Variants in SLC41A2 observed in about 807,000 individuals in gnomAD.
The protein encoded by SLC41A2 is solute carrier family 41 member 2.
Under a neutral mutation model 58.3 loss-of-function variants are expected in SLC41A2, and 32 were observed. The observed-to-expected ratio is 0.55, with a 90% CI of 0.41 to 0.74. The LOEUF (loss-of-function observed/expected upper bound fraction) is 0.74, where lower values mean the gene tolerates loss of function less well. Among genes scored for constraint, SLC41A2 ranks in the 30% least tolerant of loss-of-function variants. The pLI is 0.00. For synonymous variants in SLC41A2, 190 were observed against 235.0 expected (o/e 0.81, Z 1.75); for missense variants, 514 against 680.6 (o/e 0.76, Z 2.72).
At chr12:104,894,690 A>G (rs1466974934) in intron 4 of SLC41A2, among the ~76,000 whole-genome samples, 1 of 152,168 alleles carries the variant, frequency 6.6e-6, no homozygotes, top group Non-Finnish European at 1.5e-5. Flanking sequence ...TACTAGGGGT[A>G]GTCGCAGTCT....
chr12:104,925,400 T>C (rs973573490), intron 2 of SLC41A2, among the ~76,000 whole-genome samples: 1 of 151,182 alleles, frequency 6.6e-6, no homozygotes, highest in Non-Finnish European at 1.5e-5. Flanking sequence ...CTACTAAAAA[T>C]ACAAAAAATT....
intron 8 of SLC41A2, among the ~76,000 whole-genome samples, chr12:104,859,294 C>G (rs2043123749): frequency 6.6e-6 from 1 of 152,122 alleles, no homozygotes; most frequent in South Asian, 2.1e-4. Context: ...CATCTTAGGA[C>G]CCATGTAATA....
At chr12:104,826,017 T>A (rs976953518) in intron 10 of SLC41A2, among the ~76,000 whole-genome samples, 1 of 152,076 alleles carries the variant, frequency 6.6e-6, no homozygotes, top group South Asian at 2.1e-4. Flanking sequence ...GGATAAGAGG[T>A]AGAGAGTGAA....
At chr12:104,890,106 A>G (rs2044878967) in intron 4 of SLC41A2, among the ~76,000 whole-genome samples, 1 of 152,188 alleles carries the variant, frequency 6.6e-6, no homozygotes, top group Admixed American at 6.5e-5. Context: ...GAGGCACTCA[A>G]TATTTTGAGT....
At chr12:104,807,804 G>C (rs1170988967) in intron 10 of SLC41A2, among the ~76,000 whole-genome samples, 1 of 152,224 alleles carries the variant, frequency 6.6e-6, no homozygotes, top group East Asian at 1.9e-4. Context: ...TGGATTCCTA[G>C]GTATTTTATT....
Position 104,943,483 on chromosome 12 carries a change from G to C in SLC41A2, c.-168+14605C>G, listed in dbSNP as rs181091463. On this transcript the variant is annotated intron_variant, in intron 1 of 10. Coordinates refer to ENST00000258538, the MANE Select transcript of SLC41A2 (RefSeq NM_001352171.3). ...TTTCTTCCAGAATCGAAGCTGTAAA[G>C]CTACAAATGGTTCTTCAAATGGAGC... Among the ~76,000 whole-genome samples, 692 of 152,248 alleles carry C rather than the reference G, an allele frequency of 4.5e-3. 4 individuals are homozygous for C. Among genetic ancestry groups the C allele is most frequent in the African/African-American group, 0.016 (668 of 41,538 alleles).
At chr12:104,898,135 T>C (rs2045385220) in intron 3 of SLC41A2, among the ~76,000 whole-genome samples, 1 of 152,252 alleles carries the variant, frequency 6.6e-6, no homozygotes, top group Middle Eastern at 3.4e-3. Context: ...AAATAGGCCA[T>C]TATTTTTGCA....
intron 10 of SLC41A2, among the ~76,000 whole-genome samples, chr12:104,811,240 TCAC>T (rs911659801): frequency 1.4e-4 from 21 of 152,162 alleles, no homozygotes; most frequent in African/African-American, 5.1e-4. Flanking sequence ...GCAAGAATAT[TCAC>T]CACGTCTGTT....
At chr12:104,934,564 G>C (rs1353472064) in intron 1 of SLC41A2, among the ~76,000 whole-genome samples, 1 of 152,038 alleles carries the variant, frequency 6.6e-6, no homozygotes, top group Non-Finnish European at 1.5e-5. Flanking sequence ...TCATGGCTTG[G>C]GATTCTATCT....
At chr12:104,864,100 T>C (rs1339458373) in intron 7 of SLC41A2, among the ~76,000 whole-genome samples, 1 of 152,258 alleles carries the variant, frequency 6.6e-6, no homozygotes, top group East Asian at 1.9e-4. Flanking sequence ...CTATGTACTA[T>C]AACAAAAGCC....
At chr12:104,943,419 T>C (rs1259389017) in intron 1 of SLC41A2, among the ~76,000 whole-genome samples, 2 of 152,172 alleles carry the variant, frequency 1.3e-5, no homozygotes, top group African/African-American at 2.4e-5. Flanking sequence ...TTGCTCCTCC[T>C]CTTTCGACCC....
chr12:104,861,304 C>T lies in SLC41A2; in HGVS notation c.1242G>A (p.Thr414=), dbSNP rs772197079. The change falls in exon 8 of 11, where the codon ACG becomes ACA. Residue 414 remains threonine, a synonymous_variant. Coordinates refer to ENST00000258538, the MANE Select transcript of SLC41A2 (RefSeq NM_001352171.3). The stretch of plus-strand genomic sequence containing the variant: ...TCTAATTCTTACCATTAATAACTGG[C>T]GTGTAAACAACAATCCCAACCAAGT... ...DPNLVGIVVY[T]PVINGIGGNL... The T allele has an allele frequency of 2.2e-5, 36 of 1,610,604 alleles. No homozygotes were observed. In the South Asian group the frequency reaches 2.3e-4, roughly 10 times the overall value.
At chr12:104,885,015 A>G (rs542606483) in intron 6 of SLC41A2, among the ~76,000 whole-genome samples, 7 of 152,312 alleles carry the variant, frequency 4.6e-5, no homozygotes, top group South Asian at 2.1e-4. Flanking sequence ...TATCCCTTTA[A>G]TAACATAACC....
chr12:104,909,778 T>C lies in SLC41A2; in HGVS notation c.556-16A>G, dbSNP rs748756057. The C allele has an allele frequency of 1.3e-6, 2 of 1,518,442 alleles. No individual in the cohort carries two copies. Among genetic ancestry groups the C allele is most frequent in the South Asian group, 2.4e-5 (2 of 81,848 alleles). 94.1% of individuals were successfully genotyped at this position (1,518,442 alleles called of 1,614,324 possible). A position where few individuals can be genotyped will look rare whatever the true frequency, so the allele number is the denominator to read the frequency against. On this transcript the variant is annotated splice_polypyrimidine_tract_variant and intron_variant, in intron 2 of 10. Coordinates refer to ENST00000258538, the MANE Select transcript of SLC41A2 (RefSeq NM_001352171.3). ...CCTCCCAGTGCTGTAAGAAAAAAAA[T>C]AAAATAAAATTTTCTGGCACTCTTT...
intron 2 of SLC41A2, among the ~76,000 whole-genome samples, chr12:104,915,916 T>G (rs1018762598): frequency 2.6e-5 from 4 of 152,208 alleles, no homozygotes; most frequent in African/African-American, 9.6e-5. Context: ...TTGTCATAGA[T>G]AGCTCTTATT....
intron 2 of SLC41A2, among the ~76,000 whole-genome samples, chr12:104,915,146 AATC>A (rs1161094336): frequency 6.6e-6 from 1 of 152,216 alleles, no homozygotes; most frequent in African/African-American, 2.4e-5. Context: ...AAAACCTAAA[AATC>A]TGTTTAAATC....
rs1272873332 is a variant in SLC41A2 at position 104,892,328 on chromosome 12, A to AAAAAAAAAAAAAAC, written c.735+2945_735+2946insGTTTTTTTTTTTTT. On this transcript the variant is annotated intron_variant, in intron 4 of 10. Transcript: ENST00000258538. ...AAATAAAATAAAATAAAATAAAATA[A>AAAAAAAAAAAAAAC]AATAAAATATTGATGCAAGAAATTG... is the stretch of plus-strand genomic sequence containing the variant. Among the ~76,000 whole-genome samples, 60 of 126,892 alleles carry AAAAAAAAAAAAAAC rather than the reference A, an allele frequency of 4.7e-4. 2 individuals carry two copies. The highest frequency in any genetic ancestry group is 2.4e-3 in the East Asian group (7 of 2,902). The allele number at this position is 126,892 out of a possible 152,430, so 83.2% of individuals were successfully genotyped here.
chr12:104,849,607 C>A (rs1022707779), intron 8 of SLC41A2, among the ~76,000 whole-genome samples: 1 of 152,078 alleles, frequency 6.6e-6, no homozygotes, highest in Non-Finnish European at 1.5e-5. Context: ...GCAGGAGAAT[C>A]GCTTGAGCCT....
At chr12:104,920,659 T>G (rs1356055793) in intron 2 of SLC41A2, among the ~76,000 whole-genome samples, 1 of 152,000 alleles carries the variant, frequency 6.6e-6, no homozygotes, top group Non-Finnish European at 1.5e-5. Flanking sequence ...GCGTGGTGGC[T>G]CACACCTGTA....
Sources: allele counts gnomAD v4.1 joint callset (sites outside exome capture counted in the v4.1 genomes callset), GRCh38; gene constraint gnomAD v4.1.1; transcripts MANE v1.5; gene names NCBI Gene and HGNC (gene_info 2026-07-23, HGNC 2026-07-21).